LRRC8D: variants seen among roughly 807,000 people sequenced by gnomAD.
The protein encoded by LRRC8D is volume-regulated anion channel subunit LRRC8D.
In LRRC8D, 20 loss-of-function variants were observed where a neutral mutation model predicts 55.8. The observed-to-expected ratio is 0.36, with a 90% confidence interval of 0.25 to 0.52. The LOEUF (loss-of-function observed/expected upper bound fraction) is 0.52, where lower values mean the gene tolerates loss of function less well. Ranked by LOEUF, LRRC8D falls within the 20% of genes least tolerant of loss-of-function variation. The pLI is 0.93. For missense variants in LRRC8D, 651 were observed against 1,030.8 expected, an observed-to-expected ratio of 0.63 and a Z score of 5.05; for synonymous variants, 352 against 377.0, an observed-to-expected ratio of 0.93 and a Z score of 0.77.
chr1:89,831,833 A>G (rs1660893227), intron 1 of LRRC8D, among the ~76,000 whole-genome samples: 1 of 152,240 alleles, frequency 6.6e-6, no homozygotes, highest in Admixed American at 6.5e-5. Flanking sequence ...AGAATGCTGG[A>G]AAATGTTTGC....
In LRRC8D at chr1:89,935,021, A is replaced by G; in HGVS notation, c.1953A>G (p.Pro651=). 6.2e-7 allele frequency: 1 copy of G among 1,614,210 alleles called. No individual in the cohort carries two copies. Residue 651 remains proline (P), a synonymous_variant, in exon 3 of 3, where the codon CCA becomes CCG. Coordinates refer to ENST00000337338, the MANE Select transcript of LRRC8D (RefSeq NM_001134479.2). ...AGAACTGTGAGCTAGAGAGAATCCC[A>G]CATGCTATTTTCAGCCTCTCTAATT... ...ELQNCELERI[P]HAIFSLSNLQ...
chr1:89,909,205 C>A (rs1389617296), intron 2 of LRRC8D, among the ~76,000 whole-genome samples: 1 of 152,056 alleles, frequency 6.6e-6, no homozygotes, highest in Non-Finnish European at 1.5e-5. Context: ...TTAGAGGAGG[C>A]CTGTAATTTA....
At chr1:89,880,492 A>AGTGTTCT (rs1662255587) in intron 2 of LRRC8D, among the ~76,000 whole-genome samples, 2 of 149,218 alleles carry the variant, frequency 1.3e-5, no homozygotes, top group South Asian at 4.2e-4. Context: ...TTACTTGCTG[A>AGTGTTCT]GTGTTCTACA....
chr1:89,866,908 A>G (rs1468410351), intron 2 of LRRC8D, among the ~76,000 whole-genome samples: 1 of 152,218 alleles, frequency 6.6e-6, no homozygotes, highest in Non-Finnish European at 1.5e-5. Context: ...ATTAAAAGGA[A>G]AAATCGGTGT....
At chr1:89,842,943 C>T (rs974653697) in intron 1 of LRRC8D, 1 of 152,206 alleles carries the variant, frequency 6.6e-6, no homozygotes, top group Non-Finnish European at 1.5e-5. Flanking sequence ...ACAGGTTGAT[C>T]TGAGTAGAGA....
At chr1:89,835,368 G>T (rs1164601973) in intron 1 of LRRC8D, among the ~76,000 whole-genome samples, 1 of 152,218 alleles carries the variant, frequency 6.6e-6, no homozygotes, top group Non-Finnish European at 1.5e-5. Context: ...AGTTCTGTCT[G>T]TGTAGGTTCT....
chr1:89,875,870 G>T (rs13376361), intron 2 of LRRC8D, among the ~76,000 whole-genome samples: 2 of 152,158 alleles, frequency 1.3e-5, no homozygotes, highest in South Asian at 2.1e-4. Context: ...AGGAACTTCC[G>T]CAAGGTCACA....
rs141579033 is a variant in LRRC8D at position 89,877,126 on chromosome 1, A to T, written c.-3+33344A>T. Among the ~76,000 whole-genome samples, 667 of 152,366 alleles carry T rather than the reference A, an allele frequency of 4.4e-3. 11 individuals are homozygous for T. Among genetic ancestry groups the T allele is most frequent in the African/African-American group, 0.015 (627 of 41,588 alleles). On this transcript the variant is annotated intron_variant, in intron 2 of 2. Coordinates refer to ENST00000337338, the MANE Select transcript of LRRC8D (RefSeq NM_001134479.2). ...GATTGGCTGTAAAATGTCAAATATG[A>T]CAAGGGTCTGCTTTAGGCCTCTGGA...
At chr1:89,837,839 C>CT (rs1661035381) in intron 1 of LRRC8D, among the ~76,000 whole-genome samples, 1 of 152,158 alleles carries the variant, frequency 6.6e-6, no homozygotes, top group Admixed American at 6.5e-5. Flanking sequence ...TTTAAAGTAT[C>CT]TAATTTTGTA....
intron 2 of LRRC8D, among the ~76,000 whole-genome samples, chr1:89,858,895 T>TA (rs1661626689): frequency 6.6e-6 from 1 of 152,118 alleles, no homozygotes; most frequent in Admixed American, 6.5e-5. Context: ...TGTTTAAAAC[T>TA]AATAGAATTA....
intron 2 of LRRC8D, among the ~76,000 whole-genome samples, chr1:89,927,104 G>T (rs932196776): frequency 6.6e-6 from 1 of 152,194 alleles, no homozygotes; most frequent in Non-Finnish European, 1.5e-5. Context: ...TTGTACTCCA[G>T]AGAAAGCAGG....
chr1:89,833,970 G>T (rs1660944499), intron 1 of LRRC8D, among the ~76,000 whole-genome samples: 1 of 152,160 alleles, frequency 6.6e-6, no homozygotes. Context: ...TGTTGCAAGG[G>T]TGAAGCAGGC....
At chr1:89,831,537 C>A (rs4658333) in intron 1 of LRRC8D, among the ~76,000 whole-genome samples, 143,986 of 152,194 alleles carry the variant, frequency 0.95, 68,591 homozygotes, top group Middle Eastern at 1. Flanking sequence ...CCAGGAGATA[C>A]GGGAAGATTT....
chr1:89,851,228 G>A (rs1484992540), intron 2 of LRRC8D, among the ~76,000 whole-genome samples: 1 of 151,998 alleles, frequency 6.6e-6, no homozygotes, highest in Non-Finnish European at 1.5e-5. Context: ...TTCCTGGTAC[G>A]GCTTTTGAAT....
At chr1:89,887,423 C>T (rs1158680332) in intron 2 of LRRC8D, among the ~76,000 whole-genome samples, 1 of 152,178 alleles carries the variant, frequency 6.6e-6, no homozygotes, top group African/African-American at 2.4e-5. Context: ...GAACTGAACA[C>T]AGAATGACAC....
chr1:89,868,566 A>G (rs1213521521), intron 2 of LRRC8D, among the ~76,000 whole-genome samples: 1 of 152,096 alleles, frequency 6.6e-6, no homozygotes, highest in East Asian at 1.9e-4. Context: ...ATTTTTTACA[A>G]TAATAAAGAG....
chr1:89,877,050 C>T (rs1662165659), intron 2 of LRRC8D, among the ~76,000 whole-genome samples: 1 of 152,166 alleles, frequency 6.6e-6, no homozygotes, highest in African/African-American at 2.4e-5. Flanking sequence ...CTGATGGCTA[C>T]CATGTTGGAT....
At chr1:89,840,861 G>A (rs1343555816) in intron 1 of LRRC8D, among the ~76,000 whole-genome samples, 1 of 151,974 alleles carries the variant, frequency 6.6e-6, no homozygotes, top group Non-Finnish European at 1.5e-5. Flanking sequence ...TTCTTCAGAG[G>A]TTTTCCTTGG....
chr1:89,842,636 C>G (rs1351329283), intron 1 of LRRC8D, among the ~76,000 whole-genome samples: 1 of 145,470 alleles, frequency 6.9e-6, no homozygotes, highest in African/African-American at 2.4e-5. Flanking sequence ...CGCTTTTTAA[C>G]CTGGTAGACT....
Sources: gnomAD v4.1 joint callset for allele counts (sites outside exome capture counted in the v4.1 genomes callset) on GRCh38, gnomAD v4.1.1 for gene constraint, MANE v1.5 for transcripts, NCBI Gene and HGNC (gene_info 2026-07-23, HGNC 2026-07-21) for gene names.